The following SOS1 variants were observed in gnomAD, a reference collection of about 807,000 sequenced individuals.
The protein encoded by SOS1 is SOS Ras/Rac guanine nucleotide exchange factor 1.
Under a neutral mutation model 157.6 loss-of-function variants are expected in SOS1, and 25 were observed. That is an observed-to-expected ratio of 0.16 (90% CI 0.12 to 0.22). The LOEUF is 0.22. Among genes scored for constraint, SOS1 ranks in the 10% least tolerant of loss-of-function variants. The pLI, the probability that SOS1 is intolerant of heterozygous loss-of-function variation, is 1.00. For missense variants in SOS1, 1,237 were observed against 1,599.1 expected (o/e 0.77, Z 3.86); for synonymous variants, 528 against 534.0 (o/e 0.99, Z 0.16).
intron 1 of SOS1, among the ~76,000 whole-genome samples, chr2:39,072,165 A>G (rs1215516539): frequency 6.6e-6 from 1 of 152,056 alleles, no homozygotes; most frequent in Non-Finnish European, 1.5e-5. Context: ...TAATCCCTAT[A>G]CTATATATCA....
chr2:39,053,559 A>C (rs1558490528), intron 5 of SOS1, among the ~76,000 whole-genome samples: 1 of 152,078 alleles, frequency 6.6e-6, no homozygotes, highest in Admixed American at 6.6e-5. Flanking sequence ...CCATCACCAT[A>C]ATCTCCTTTA....
At chr2:38,996,238 C>T (rs1394818817) in intron 19 of SOS1, among the ~76,000 whole-genome samples, 1 of 152,094 alleles carries the variant, frequency 6.6e-6, no homozygotes, top group African/African-American at 2.4e-5. Context: ...TACAGGCTCC[C>T]GCCACCATGT....
intron 6 of SOS1, 60 bp downstream of exon 6, chr2:39,051,084 A>G: frequency 6.7e-7 from 1 of 1,499,242 alleles, no homozygotes; most frequent in Admixed American, 1.7e-5. Flanking sequence ...AAGACTCTCA[A>G]TTTTAATGTA....
At chr2:39,117,369 G>C (rs1199040163) in intron 1 of SOS1, among the ~76,000 whole-genome samples, 2 of 152,084 alleles carry the variant, frequency 1.3e-5, no homozygotes, top group African/African-American at 4.8e-5. Flanking sequence ...GGCAATACCT[G>C]GTCTATAGTA....
At position 38,983,492 on chromosome 2, in the gene SOS1, G is replaced by C. The variant is rs899250354; in HGVS notation, c.*2332C>G. The C allele has an allele frequency of 1.3e-5, 2 of 152,162 alleles. No homozygotes were observed. The highest frequency in any genetic ancestry group is 1.5e-5 in the Non-Finnish European group (1 of 68,010). 9.4% of individuals were successfully genotyped at this position (152,162 alleles called of 1,614,324 possible). On this transcript the variant is annotated 3_prime_UTR_variant, in exon 23 of 23. Coordinates refer to ENST00000402219, the MANE Select transcript of SOS1 (RefSeq NM_005633.4). The stretch of plus-strand genomic sequence containing the variant: ...CCTAGAACCATGGGGTAGAAGAATA[G>C]TTCCCTTTGGGAGAAATAGGATTAG...
At chr2:39,075,684 T>C (rs1343355726) in intron 1 of SOS1, among the ~76,000 whole-genome samples, 1 of 151,426 alleles carries the variant, frequency 6.6e-6, no homozygotes, top group African/African-American at 2.4e-5. Context: ...AAAAACAAAG[T>C]TGACACTTTG....
chr2:39,069,709 G>A (rs982733830), intron 1 of SOS1, among the ~76,000 whole-genome samples: 4 of 151,878 alleles, frequency 2.6e-5, no homozygotes, highest in Non-Finnish European at 4.4e-5. Flanking sequence ...CACCACACCC[G>A]GCCAATTTCT....
chr2:38,997,862 GAC>G (rs1350407495), intron 17 of SOS1, among the ~76,000 whole-genome samples: 2 of 152,090 alleles, frequency 1.3e-5, no homozygotes, highest in African/African-American at 4.8e-5. Context: ...CGTCACTAAT[GAC>G]ACATCATTTT....
chr2:39,092,340 A>T (rs1043785249), intron 1 of SOS1, among the ~76,000 whole-genome samples: 6 of 152,042 alleles, frequency 3.9e-5, no homozygotes, highest in African/African-American at 1.4e-4. Flanking sequence ...AAGATCTTAC[A>T]CTAACTACCC....
At chr2:39,035,173 C>G in intron 8 of SOS1, 39 bp downstream of exon 8, 1 of 1,420,284 alleles carries the variant, frequency 7.0e-7, no homozygotes, top group Non-Finnish European at 9.9e-7. Flanking sequence ...AAAATTCACA[C>G]TTGAATATGT....
chr2:38,995,439 A>T (rs759760694), intron 19 of SOS1, 52 bp from the exon 20 acceptor site: 19 of 1,481,336 alleles, frequency 1.3e-5, no homozygotes, highest in Non-Finnish European at 1.7e-5. Context: ...AGTAGAAAGG[A>T]AAGTTTTTCT....
chr2:38,986,701 G>A (rs769280162), intron 22 of SOS1, among the ~76,000 whole-genome samples: 1 of 151,766 alleles, frequency 6.6e-6, no homozygotes, highest in Non-Finnish European at 1.5e-5. Flanking sequence ...TTAAATGGGA[G>A]GTTCTGTCAA....
chr2:39,011,207 GT>G (rs1669456690), intron 14 of SOS1, among the ~76,000 whole-genome samples: 1 of 152,038 alleles, frequency 6.6e-6, no homozygotes, highest in Admixed American at 6.6e-5. Context: ...TTTAAAAACT[GT>G]TTTTAAAAAC....
chr2:39,119,461 C>T (rs1432090165), intron 1 of SOS1, among the ~76,000 whole-genome samples: 1 of 152,142 alleles, frequency 6.6e-6, no homozygotes, highest in Non-Finnish European at 1.5e-5. Flanking sequence ...AAGCAGTTAG[C>T]ATGAAACATT....
At chr2:39,102,868 TTGCTGGAGC>T (rs746183304) in intron 1 of SOS1, among the ~76,000 whole-genome samples, 4 of 152,082 alleles carry the variant, frequency 2.6e-5, no homozygotes, top group Non-Finnish European at 4.4e-5. Flanking sequence ...GATGGGAAGA[TTGCTGGAGC>T]CCAGGAAGTT....
intron 6 of SOS1, among the ~76,000 whole-genome samples, chr2:39,046,403 TTTAAAC>T (rs1189333399): frequency 2.0e-5 from 3 of 152,122 alleles, no homozygotes; most frequent in African/African-American, 7.2e-5. Flanking sequence ...GACGAAAAAC[TTTAAAC>T]TTATTTTTAA....
rs1457539360 is a variant in SOS1, at chr2:38,983,212, T to C, written c.*2612A>G. Reference sequence around the variant, plus strand: ...AAGCAGAATTTTGTAATGATGCATTTATCTCCTCAGCCATTTCTGGTCCCT... The same window carrying C: ...AAGCAGAATTTTGTAATGATGCATTCATCTCCTCAGCCATTTCTGGTCCCT... On this transcript the variant is annotated 3_prime_UTR_variant, in exon 23 of 23. Coordinates refer to ENST00000402219, the MANE Select transcript of SOS1 (RefSeq NM_005633.4). 2 of 152,292 alleles carry C rather than the reference T, an allele frequency of 1.3e-5. No homozygotes were observed. The highest frequency in any genetic ancestry group is 3.9e-4 in the East Asian group (2 of 5,184). 9.4% of individuals were successfully genotyped at this position (152,292 alleles called of 1,614,324 possible). A position where few individuals can be genotyped will look rare whatever the true frequency, so the allele number is the denominator to read the frequency against.
chr2:39,009,408 T>C (rs1026803985), intron 15 of SOS1, among the ~76,000 whole-genome samples: 6 of 152,204 alleles, frequency 3.9e-5, no homozygotes, highest in Non-Finnish European at 7.4e-5. Context: ...GAAAAGCAAG[T>C]GATCCCAGAT....
At chr2:39,033,830 C>A (rs889013559) in intron 8 of SOS1, among the ~76,000 whole-genome samples, 10 of 152,168 alleles carry the variant, frequency 6.6e-5, no homozygotes, top group African/African-American at 2.4e-4. Context: ...TGCCAACACA[C>A]CTGGCATTCT....
Sources: allele counts gnomAD v4.1 joint callset (sites outside exome capture counted in the v4.1 genomes callset), GRCh38; gene constraint gnomAD v4.1.1; transcripts MANE v1.5; gene names NCBI Gene and HGNC (gene_info 2026-07-23, HGNC 2026-07-21).